The following MGAT4C variants were observed in gnomAD, a reference collection of about 807,000 sequenced individuals.
MGAT4C encodes alpha-1,3-mannosyl-glycoprotein 4-beta-N-acetylglucosaminyltransferase C.
Under a neutral mutation model 40.1 loss-of-function variants are expected in MGAT4C, and 19 were observed. That is an observed-to-expected ratio of 0.47 (90% CI 0.33 to 0.70). The LOEUF is 0.70. Among genes scored for constraint, MGAT4C ranks in the 30% least tolerant of loss-of-function variants. The probability of loss-of-function intolerance (pLI) is 0.02; values close to 1 mark genes in which losing one functional copy is unlikely to be tolerated. For missense variants in MGAT4C, 491 were observed against 563.2 expected, an observed-to-expected ratio of 0.87 and a Z score of 1.30; for synonymous variants, 181 against 187.1, an observed-to-expected ratio of 0.97 and a Z score of 0.27.
chr12:86,668,024 C>T (rs1964158341), intron 2 of MGAT4C, among the ~76,000 whole-genome samples: 1 of 152,250 alleles, frequency 6.6e-6, no homozygotes, highest in African/African-American at 2.4e-5. Context: ...GACACAATAG[C>T]CTATGGCTTA....
intron 1 of MGAT4C, among the ~76,000 whole-genome samples, chr12:86,100,437 C>T (rs1312909910): frequency 6.6e-6 from 1 of 151,266 alleles, no homozygotes; most frequent in Non-Finnish European, 1.5e-5. Flanking sequence ...CATCAACATT[C>T]AAGGTTAATG....
At chr12:86,367,741 G>C (rs934070016) in intron 3 of MGAT4C, among the ~76,000 whole-genome samples, 4 of 152,160 alleles carry the variant, frequency 2.6e-5, no homozygotes. Flanking sequence ...AGAGCTTGCA[G>C]TGAAGCCAAG....
chr12:86,456,788 C>T (rs748666343), intron 2 of MGAT4C, among the ~76,000 whole-genome samples: 1 of 152,050 alleles, frequency 6.6e-6, no homozygotes, highest in Non-Finnish European at 1.5e-5. Context: ...TAAAAATGTA[C>T]ATTTTAAAAG....
At position 85,969,565 on chromosome 12, in the gene MGAT4C, T is replaced by G. The variant is rs868301374; in HGVS notation, c.*9724A>C. 1 of 151,612 alleles carries G rather than the reference T, an allele frequency of 6.6e-6. No homozygotes were observed. Among genetic ancestry groups the G allele is most frequent in the Non-Finnish European group, 1.5e-5 (1 of 67,642 alleles). The allele number at this position is 151,612 out of a possible 1,614,324, so 9.4% of individuals were successfully genotyped here. ...AGCAAGTGTTTTAGATGTTCAAGTTTAAAAAATGAGAAAAAAATGTTTTAC... is the reference window on the plus strand; with the variant it reads ...AGCAAGTGTTTTAGATGTTCAAGTTGAAAAAATGAGAAAAAAATGTTTTAC... On this transcript the variant is annotated 3_prime_UTR_variant, in exon 5 of 5. Coordinates refer to ENST00000611864, the MANE Select transcript of MGAT4C (RefSeq NM_001351288.2).
chr12:86,151,351 A>G (rs1698766), intron 1 of MGAT4C, among the ~76,000 whole-genome samples: 151,595 of 152,188 alleles, frequency 1, 75,502 homozygotes, highest in Middle Eastern at 1. Flanking sequence ...GGTGGCTCAC[A>G]ACTGTAATCC....
At chr12:86,314,999 T>C (rs2136154208) in intron 4 of MGAT4C, among the ~76,000 whole-genome samples, 1 of 134,802 alleles carries the variant, frequency 7.4e-6, no homozygotes, top group Non-Finnish European at 1.6e-5. Flanking sequence ...AAAGTTATTC[T>C]AAAATTCATA....
intron 1 of MGAT4C, among the ~76,000 whole-genome samples, chr12:86,218,265 C>A (rs1950747076): frequency 6.6e-6 from 1 of 152,068 alleles, no homozygotes. Flanking sequence ...CCTTTGAAGT[C>A]TTTATCACTC....
chr12:86,618,973 A>G (rs966094522), intron 2 of MGAT4C, among the ~76,000 whole-genome samples: 4 of 152,040 alleles, frequency 2.6e-5, no homozygotes, highest in Non-Finnish European at 4.4e-5. Flanking sequence ...TAAAATAATT[A>G]GAAAAATAAT....
chr12:86,746,068 C>T (rs1054870558), intron 1 of MGAT4C, among the ~76,000 whole-genome samples: 3 of 151,690 alleles, frequency 2.0e-5, no homozygotes, highest in Admixed American at 2.0e-4. Context: ...TCACAGAAAG[C>T]TGGCATCCAC....
intron 1 of MGAT4C, among the ~76,000 whole-genome samples, chr12:86,765,457 G>T (rs1951488287): frequency 6.6e-6 from 1 of 152,190 alleles, no homozygotes; most frequent in Non-Finnish European, 1.5e-5. Flanking sequence ...ATATTATCCA[G>T]GAGAAATTCC....
chr12:86,779,796 C>T (rs1951807042), intron 1 of MGAT4C, among the ~76,000 whole-genome samples: 1 of 151,718 alleles, frequency 6.6e-6, no homozygotes, highest in African/African-American at 2.4e-5. Context: ...GCCTGTAGTC[C>T]CAGCTACTCA....
chr12:86,076,101 C>T (rs2135529178), intron 1 of MGAT4C, among the ~76,000 whole-genome samples: 1 of 152,300 alleles, frequency 6.6e-6, no homozygotes, highest in Non-Finnish European at 1.5e-5. Flanking sequence ...ACCCAAGTCA[C>T]CACTTGAATG....
chr12:86,040,416 C>G (rs1454016721), intron 2 of MGAT4C, among the ~76,000 whole-genome samples: 1 of 152,168 alleles, frequency 6.6e-6, no homozygotes, highest in Non-Finnish European at 1.5e-5. Flanking sequence ...GCCTTTTTTT[C>G]AGAGATGCCC....
At chr12:86,294,937 C>T in intron 4 of MGAT4C, among the ~76,000 whole-genome samples, 1 of 152,176 alleles carries the variant, frequency 6.6e-6, no homozygotes, top group East Asian at 1.9e-4. Context: ...TCTGCCCCTT[C>T]TAATTCCCAC....
At position 85,962,079 on chromosome 12, in the gene MGAT4C, A is replaced by T. The variant is rs1207874444; in HGVS notation, c.*17210T>A. The T allele has an allele frequency of 6.6e-6, 1 of 151,882 alleles. No individual in the cohort carries two copies. Among genetic ancestry groups the T allele is most frequent in the Non-Finnish European group, 1.5e-5 (1 of 67,808 alleles). The allele number at this position is 151,882 out of a possible 1,614,324, so 9.4% of individuals were successfully genotyped here. ...TTCAATTTATAAAAGTCATCCTAAG[A>T]CGTTAAAAATAACTTACGAAAGGAT... On this transcript the variant is annotated 3_prime_UTR_variant, in exon 5 of 5. Coordinates refer to ENST00000611864, the MANE Select transcript of MGAT4C (RefSeq NM_001351288.2).
At chr12:86,113,018 T>C (rs1283008754) in intron 1 of MGAT4C, among the ~76,000 whole-genome samples, 2 of 151,446 alleles carry the variant, frequency 1.3e-5, no homozygotes, top group East Asian at 1.9e-4. Flanking sequence ...AAAAAATAAA[T>C]AAATAAAGAG....
intron 3 of MGAT4C, among the ~76,000 whole-genome samples, chr12:86,409,915 G>T (rs1956568860): frequency 6.6e-6 from 1 of 152,112 alleles, no homozygotes; most frequent in African/African-American, 2.4e-5. Context: ...TTTTACAGCT[G>T]GGCCTCCAGG....
intron 2 of MGAT4C, among the ~76,000 whole-genome samples, chr12:86,565,428 C>T (rs925571923): frequency 2.0e-5 from 3 of 152,182 alleles, no homozygotes; most frequent in Non-Finnish European, 4.4e-5. Context: ...GCAGGCATTA[C>T]CTGAAAGTGG....
chr12:86,009,595 C>T (rs1024895217), intron 2 of MGAT4C, among the ~76,000 whole-genome samples: 1 of 152,176 alleles, frequency 6.6e-6, no homozygotes, highest in Non-Finnish European at 1.5e-5. Context: ...CCCCATCCCC[C>T]CAATCAGGAA....
Sources: allele counts gnomAD v4.1 joint callset (sites outside exome capture counted in the v4.1 genomes callset), GRCh38; gene constraint gnomAD v4.1.1; transcripts MANE v1.5; gene names NCBI Gene and HGNC (gene_info 2026-07-23, HGNC 2026-07-21).